The following DYRK4 variants were observed in gnomAD, a reference collection of about 807,000 sequenced individuals.
DYRK4 encodes dual specificity tyrosine phosphorylation regulated kinase 4, also known as dual specificity tyrosine-phosphorylation-regulated kinase 4.
DYRK4 carries 64 observed loss-of-function variants against 68.3 expected under a neutral mutation model. The observed-to-expected ratio is 0.94, with a 90% CI of 0.77 to 1.15. DYRK4 has a LOEUF of 1.15. Among genes scored for constraint, DYRK4 ranks in the 50% most tolerant of loss-of-function variants. DYRK4 has a pLI of 0.00. For missense variants in DYRK4, 740 were observed against 764.7 expected (o/e 0.97, Z 0.38); for synonymous variants, 274 against 289.9 (o/e 0.95, Z 0.56).
At position 4,598,461 on chromosome 12, in the gene DYRK4, T is replaced by G. The variant is rs537904051; in HGVS notation, c.906-567T>G. ...GTAAGTCTGTAGACTTCATATAATA[T>G]AGTAGGCTTCTGCCACCCTAGAGAA... On this transcript the variant is annotated intron_variant, in intron 8 of 14. Coordinates refer to ENST00000543431, the MANE Select transcript of DYRK4 (RefSeq NM_001394779.1). 3.3e-5 allele frequency among the ~76,000 whole-genome samples: 5 copies of G among 152,348 alleles called. No homozygotes were observed. In the East Asian group the frequency reaches 9.6e-4, roughly 29 times the overall value.
At chr12:4,573,330 G>C (rs1189890769) in intron 2 of DYRK4, 2 of 1,289,282 alleles carry the variant, frequency 1.6e-6, no homozygotes, top group East Asian at 1.1e-4. Context: ...TCTTTCCTAG[G>C]GCCCCACTCT....
At chr12:4,568,846 A>C (rs2137319768) in intron 2 of DYRK4, among the ~76,000 whole-genome samples, 1 of 152,310 alleles carries the variant, frequency 6.6e-6, no homozygotes, top group South Asian at 2.1e-4. Context: ...TTAAAAATCT[A>C]ACACCACTCA....
At chr12:4,567,046 A>C (rs973492489) in intron 1 of DYRK4, among the ~76,000 whole-genome samples, 12 of 152,256 alleles carry the variant, frequency 7.9e-5, no homozygotes, top group African/African-American at 2.9e-4. Context: ...ATTATATTTC[A>C]TAAAACATAT....
At chr12:4,590,732 A>G (rs150119002) in intron 4 of DYRK4, 19 of 462,020 alleles carry the variant, frequency 4.1e-5, no homozygotes, top group African/African-American at 3.4e-4. Context: ...GTTTCCTCCC[A>G]TGTCCTCCTA....
intron 2 of DYRK4, among the ~76,000 whole-genome samples, chr12:4,580,524 G>A (rs1215286020): frequency 6.6e-6 from 1 of 152,152 alleles, no homozygotes; most frequent in Non-Finnish European, 1.5e-5. Flanking sequence ...CTTAGCTGGG[G>A]ACCCTTAGGA....
chr12:4,607,356 T>G lies in DYRK4; in HGVS notation c.1329T>G (p.Ile443Met), dbSNP rs1454871252. ...TGGGTCTGCCGCCAGCCGGCTTCAT[T>G]CAGACAGCCTCCAGGAGACAGACAT... ...EVLGLPPAGF[I>M]QTASRRQTFF... is the part of the protein sequence containing the mutation. The change falls in exon 12 of 15, where the codon ATT becomes ATG. Residue 443 changes from isoleucine (I) to methionine (M), a missense_variant. Coordinates refer to ENST00000543431, the MANE Select transcript of DYRK4 (RefSeq NM_001394779.1). 6.2e-7 allele frequency: 1 copy of G among 1,614,118 alleles called. No individual in the cohort carries two copies. The highest frequency in any genetic ancestry group is 1.3e-5 in the African/African-American group (1 of 74,948).
chr12:4,570,490 G>C (rs1188063079), intron 2 of DYRK4, among the ~76,000 whole-genome samples: 1 of 152,162 alleles, frequency 6.6e-6, no homozygotes, highest in African/African-American at 2.4e-5. Context: ...AAACAACTCA[G>C]TAACTGGCTT....
chr12:4,565,587 A>G (rs1944668029), intron 1 of DYRK4, among the ~76,000 whole-genome samples: 1 of 151,484 alleles, frequency 6.6e-6, no homozygotes, highest in Non-Finnish European at 1.5e-5. Context: ...AGAGCTGAAC[A>G]GAGGAAAGGG....
chr12:4,570,100 G>A (rs1944716175), intron 2 of DYRK4, among the ~76,000 whole-genome samples: 1 of 150,824 alleles, frequency 6.6e-6, no homozygotes, highest in Non-Finnish European at 1.5e-5. Context: ...AATTAGCTGG[G>A]TGTGGTAGTG....
chr12:4,612,801 T>G, intron 14 of DYRK4, 83 bp downstream of exon 14: 1 of 1,467,496 alleles, frequency 6.8e-7, no homozygotes, highest in Non-Finnish European at 9.5e-7. Context: ...TTGTGATATT[T>G]TTGAAGCCCC....
chr12:4,612,483 GT>G, intron 13 of DYRK4, 59 bp from the exon 14 acceptor site: 1 of 1,495,490 alleles, frequency 6.7e-7, no homozygotes, highest in East Asian at 2.3e-5. Context: ...TTTTAAAAAT[GT>G]TTTAATATAT....
At position 4,591,622 on chromosome 12, in the gene DYRK4, G is replaced by A. The variant is rs975617310; in HGVS notation, c.463+324G>A. 2.1e-5 allele frequency: 6 copies of A among 284,998 alleles called. No individual in the cohort carries two copies. The highest frequency in any genetic ancestry group is 3.3e-5 in the Non-Finnish European group (5 of 152,014). The allele number at this position is 284,998 out of a possible 1,614,324, so 17.7% of individuals were successfully genotyped here. ...ATTTTATGGACCCAGGGGCCAGCGGGAAGGCACTGAGAGAGTGGAAGAGCC... is the reference window on the plus strand; with the variant it reads ...ATTTTATGGACCCAGGGGCCAGCGGAAAGGCACTGAGAGAGTGGAAGAGCC... On this transcript the variant is annotated intron_variant, in intron 5 of 14. Transcript: ENST00000543431. This position sits in a 1 kb window ranked among gnomAD's most constrained non-coding sequence, Gnocchi z 4.1.
chr12:4,613,782 TCCACCAGTG>T lies in DYRK4; in HGVS notation c.*30_*38del. On this transcript the variant is annotated 3_prime_UTR_variant, in exon 15 of 15. Coordinates refer to ENST00000543431, the MANE Select transcript of DYRK4 (RefSeq NM_001394779.1). This position sits in a 1 kb window ranked among gnomAD's most constrained non-coding sequence, Gnocchi z 4.0. ...TTGCTGAGGGTATGTCCTGCTCCTT[TCCACCAGTG>T]ATTTGTATTAAGACAGCACTTATAT... 6.8e-7 allele frequency: 1 copy of T among 1,474,640 alleles called. No homozygotes were observed. The highest frequency in any genetic ancestry group is 9.0e-7 in the Non-Finnish European group (1 of 1,105,514). The allele number at this position is 1,474,640 out of a possible 1,614,324, so 91.3% of individuals were successfully genotyped here. A position where few individuals can be genotyped will look rare whatever the true frequency, so the allele number is the denominator to read the frequency against.
intron 2 of DYRK4, among the ~76,000 whole-genome samples, chr12:4,588,671 A>G (rs542472429): frequency 6.1e-4 from 93 of 152,354 alleles, no homozygotes; most frequent in Admixed American, 1.8e-3. Flanking sequence ...TTGTTGGAAG[A>G]AAAGGCCATA....
At chr12:4,584,360 G>A (rs756278701) in intron 2 of DYRK4, among the ~76,000 whole-genome samples, 22 of 152,250 alleles carry the variant, frequency 1.4e-4, no homozygotes, top group Non-Finnish European at 2.5e-4. Flanking sequence ...GCATCCTTCC[G>A]GCTTGCGGAA....
chr12:4,588,954 G>A lies in DYRK4; in HGVS notation c.150G>A (p.Ser50=), dbSNP rs981494829. Residue 50 remains serine, a synonymous_variant, in exon 3 of 15, where the codon TCG becomes TCA. Coordinates refer to ENST00000543431, the MANE Select transcript of DYRK4 (RefSeq NM_001394779.1). ...FTSAKVGSKL[S]VQIQKPPSNI... ...TGATCCAGGTTGGAAGTAAACTTTC[G>A]GTTCAGATCCAGAAGCCACCTTCCA... 20 of 1,535,872 alleles carry A rather than the reference G, an allele frequency of 1.3e-5. No homozygotes were observed. In the East Asian group the frequency reaches 1.5e-4, roughly 11 times the overall value.
chr12:4,591,078 G>C lies in DYRK4; in HGVS notation c.325-82G>C, dbSNP rs755296451. 84 of 1,513,760 alleles carry C rather than the reference G, an allele frequency of 5.5e-5. No homozygotes were observed. Among genetic ancestry groups the C allele is most frequent in the Non-Finnish European group, 7.4e-5 (83 of 1,122,656 alleles). 93.8% of individuals were successfully genotyped at this position (1,513,760 alleles called of 1,614,324 possible). On this transcript the variant is annotated intron_variant, in intron 4 of 14. Transcript: ENST00000543431. This position sits in a 1 kb window ranked among gnomAD's most constrained non-coding sequence, Gnocchi z 4.1. ...AGGTAAAGAGCCTGGCTGAAGGTGG[G>C]TGTCTTTGGTTAAATAAATGGTTTA...
rs567592655 is a variant in DYRK4, at chr12:4,575,699, T to C, written c.132+7651T>C. ...ATTTATTGGCTATTTGTGTTTCCTC[T>C]TCTTTGAAATACTTGGTCATGCCTT... On this transcript the variant is annotated intron_variant, in intron 2 of 14. Coordinates refer to ENST00000543431, the MANE Select transcript of DYRK4 (RefSeq NM_001394779.1). 3.9e-5 allele frequency among the ~76,000 whole-genome samples: 6 copies of C among 152,318 alleles called. No individual in the cohort carries two copies. In the South Asian group the frequency reaches 1.2e-3, roughly 32 times the overall value.
intron 2 of DYRK4, among the ~76,000 whole-genome samples, chr12:4,580,502 G>A (rs150516885): frequency 2.2e-4 from 33 of 152,282 alleles, no homozygotes; most frequent in African/African-American, 7.7e-4. Context: ...AGCAGCCAGG[G>A]TAGCTTAATC....
Sources: allele counts gnomAD v4.1 joint callset (sites outside exome capture counted in the v4.1 genomes callset), GRCh38; gene constraint gnomAD v4.1.1; non-coding constraint Gnocchi (gnomAD v3.1); transcripts MANE v1.5; gene names NCBI Gene and HGNC (gene_info 2026-07-23, HGNC 2026-07-21).